The following ADCY1 variants were observed in gnomAD, a reference collection of about 807,000 sequenced individuals.
ADCY1 encodes the protein adenylate cyclase type 1.
ADCY1 carries 28 observed loss-of-function variants against 105.4 expected under a neutral mutation model. That is an observed-to-expected ratio of 0.27 (90% CI 0.20 to 0.36). The LOEUF is 0.36. ADCY1 is among the 10% of genes least tolerant of loss of function. The pLI, the probability that ADCY1 is intolerant of heterozygous loss-of-function variation, is 1.00. For missense variants in ADCY1, 977 were observed against 1,434.2 expected (o/e 0.68, Z 5.15); for synonymous variants, 655 against 623.8 (o/e 1.05, Z -0.75).
At chr7:45,625,652 T>G (rs1403033727) in intron 4 of ADCY1, among the ~76,000 whole-genome samples, 1 of 152,128 alleles carries the variant, frequency 6.6e-6, no homozygotes, top group African/African-American at 2.4e-5. Flanking sequence ...TGAGCATGCA[T>G]GTGGTATATA....
intron 14 of ADCY1, among the ~76,000 whole-genome samples, chr7:45,691,731 A>C (rs1033034221): frequency 6.6e-6 from 1 of 152,250 alleles, no homozygotes; most frequent in Non-Finnish European, 1.5e-5. Context: ...GCTTAATTCG[A>C]TGGTAATTCC....
intron 10 of ADCY1, 53 bp downstream of exon 10, chr7:45,678,316 G>A: frequency 1.3e-6 from 2 of 1,546,782 alleles, no homozygotes; most frequent in South Asian, 2.2e-5. Flanking sequence ...CCCGGTTTCT[G>A]GGGTTCGTGG....
intron 8 of ADCY1, among the ~76,000 whole-genome samples, chr7:45,663,397 G>A (rs1795182366): frequency 6.6e-6 from 1 of 152,200 alleles, no homozygotes; most frequent in African/African-American, 2.4e-5. Context: ...ACCTCAAACT[G>A]TCCTCTTCCT....
intron 3 of ADCY1, among the ~76,000 whole-genome samples, chr7:45,619,405 G>T (rs1793829359): frequency 6.6e-6 from 1 of 152,120 alleles, no homozygotes; most frequent in Non-Finnish European, 1.5e-5. Context: ...AATTGGAGGT[G>T]TTGGATATCC....
At chr7:45,690,720 C>T (rs1221252838) in intron 14 of ADCY1, among the ~76,000 whole-genome samples, 5 of 152,236 alleles carry the variant, frequency 3.3e-5, no homozygotes, top group Non-Finnish European at 7.3e-5. Flanking sequence ...TTTGCTAAAG[C>T]CACACCAGGT....
In ADCY1 at chr7:45,591,314, T is replaced by C. The variant is rs1792910408; in HGVS notation, c.640-1445T>C. Among the ~76,000 whole-genome samples, 1 of 152,232 alleles carries C rather than the reference T, an allele frequency of 6.6e-6. No homozygotes were observed. The highest frequency in any genetic ancestry group is 2.4e-5 in the African/African-American group (1 of 41,450). On this transcript the variant is annotated intron_variant, in intron 1 of 19. Transcript: ENST00000297323. This position sits in a 1 kb window ranked among gnomAD's most constrained non-coding sequence, Gnocchi z 4.1. ...GAGCCGTCTGGGGGCCCCATCCTGC[T>C]GCCTGTAGCTTGGCCCGATCAGGGT...
At chr7:45,648,361 G>A (rs895973125) in intron 4 of ADCY1, among the ~76,000 whole-genome samples, 3 of 152,240 alleles carry the variant, frequency 2.0e-5, no homozygotes, top group East Asian at 1.9e-4. Flanking sequence ...CATTCCAGCC[G>A]GACCTTGAAT....
intron 11 of ADCY1, among the ~76,000 whole-genome samples, chr7:45,682,469 G>A (rs1375916495): frequency 2.0e-5 from 3 of 152,108 alleles, no homozygotes; most frequent in Non-Finnish European, 2.9e-5. Flanking sequence ...GGACCCCGGG[G>A]TGCTGCAGGT....
At position 45,703,279 on chromosome 7, in the gene ADCY1, C is replaced by A; in HGVS notation, c.2455-97C>A. On this transcript the variant is annotated intron_variant, in intron 14 of 19. Transcript: ENST00000297323. This position sits in a 1 kb window ranked among gnomAD's most constrained non-coding sequence, Gnocchi z 5.9. Reference sequence around the variant, plus strand: ...GCGTGGATGTAGACCATCAGCACACCTGGAGTCCAGTTTGGATGATTAGAA... The same window carrying A: ...GCGTGGATGTAGACCATCAGCACACATGGAGTCCAGTTTGGATGATTAGAA... 1 of 1,156,974 alleles carries A rather than the reference C, an allele frequency of 8.6e-7. No homozygotes were observed. Among genetic ancestry groups the A allele is most frequent in the Non-Finnish European group, 1.3e-6 (1 of 771,320 alleles). The allele number at this position is 1,156,974 out of a possible 1,614,324, so 71.7% of individuals were successfully genotyped here. A position where few individuals can be genotyped will look rare whatever the true frequency, so the allele number is the denominator to read the frequency against.
Position 45,712,024 on chromosome 7 carries a change from T to A in ADCY1, c.3057+1372T>A, listed in dbSNP as rs1207578258. 2.1e-3 allele frequency among the ~76,000 whole-genome samples: 255 copies of A among 119,674 alleles called. 9 individuals carry two copies. Among genetic ancestry groups the A allele is most frequent in the Admixed American group, 0.021 (208 of 9,852 alleles). 78.5% of individuals were successfully genotyped at this position (119,674 alleles called of 152,430 possible). On this transcript the variant is annotated intron_variant, in intron 19 of 19. Coordinates refer to ENST00000297323, the MANE Select transcript of ADCY1 (RefSeq NM_021116.4). ...TTATATTAAATATATATTTTATATA[T>A]TATACTAAATATATATTTTATATAA...
At chr7:45,626,199 A>G (rs1794058039) in intron 4 of ADCY1, among the ~76,000 whole-genome samples, 1 of 152,362 alleles carries the variant, frequency 6.6e-6, no homozygotes, top group East Asian at 1.9e-4. Flanking sequence ...AAATACGTAA[A>G]CAAATGGGTG....
intron 4 of ADCY1, among the ~76,000 whole-genome samples, chr7:45,630,950 T>G (rs1794230815): frequency 6.6e-6 from 1 of 152,168 alleles, no homozygotes; most frequent in African/African-American, 2.4e-5. Flanking sequence ...CCATCCAAAA[T>G]CTCTCTGGAT....
At chr7:45,623,512 G>T (rs982280767) in intron 4 of ADCY1, among the ~76,000 whole-genome samples, 2 of 152,194 alleles carry the variant, frequency 1.3e-5, no homozygotes, top group African/African-American at 2.4e-5. Flanking sequence ...ATGTCGGGCT[G>T]GGATCTGAGC....
chr7:45,678,894 A>T (rs577483030), intron 10 of ADCY1, among the ~76,000 whole-genome samples: 15 of 151,598 alleles, frequency 9.9e-5, no homozygotes, highest in Non-Finnish European at 2.2e-4. Flanking sequence ...TCTAAAAATA[A>T]TAATAATAAT....
At chr7:45,599,392 C>G (rs1793161691) in intron 2 of ADCY1, among the ~76,000 whole-genome samples, 1 of 151,274 alleles carries the variant, frequency 6.6e-6, no homozygotes. Context: ...TCTCCAGGAG[C>G]ACTACATTGG....
rs1785492571 is a variant in ADCY1, at chr7:45,722,322, T to TAGTTTGA, written c.*8329_*8335dup. The TAGTTTGA allele has an allele frequency of 6.5e-6, 1 of 152,938 alleles. No homozygotes were observed. Among genetic ancestry groups the TAGTTTGA allele is most frequent in the Non-Finnish European group, 1.5e-5 (1 of 68,516 alleles). 9.5% of individuals were successfully genotyped at this position (152,938 alleles called of 1,614,324 possible). On this transcript the variant is annotated 3_prime_UTR_variant, in exon 20 of 20. Coordinates refer to ENST00000297323, the MANE Select transcript of ADCY1 (RefSeq NM_021116.4). Reference sequence around the variant, plus strand: ...TGAAAACTCCTAATGGTGTGGAACTTAGTTTGAATTTGAAATCACGCCGCA... The same window carrying TAGTTTGA: ...TGAAAACTCCTAATGGTGTGGAACTTAGTTTGAAGTTTGAATTTGAAATCACGCCGCA...
intron 16 of ADCY1, 105 bp from the exon 17 acceptor site, chr7:45,704,413 C>T: frequency 1.1e-6 from 1 of 910,502 alleles, no homozygotes; most frequent in Non-Finnish European, 1.7e-6. Context: ...ATGTTGCTTT[C>T]CTGAATGTGT....
chr7:45,649,994 G>T (rs998398918), intron 5 of ADCY1, among the ~76,000 whole-genome samples: 3 of 152,134 alleles, frequency 2.0e-5, no homozygotes, highest in African/African-American at 2.4e-5. Flanking sequence ...GGAGATGCTG[G>T]GCAGAAGCAG....
chr7:45,690,371 C>T (rs1784763344), intron 14 of ADCY1, among the ~76,000 whole-genome samples: 1 of 152,144 alleles, frequency 6.6e-6, no homozygotes, highest in Non-Finnish European at 1.5e-5. Flanking sequence ...TTGGGGCAGC[C>T]ACAGTGGGAA....
Sources: allele counts gnomAD v4.1 joint callset (sites outside exome capture counted in the v4.1 genomes callset), GRCh38; gene constraint gnomAD v4.1.1; non-coding constraint Gnocchi (gnomAD v3.1); transcripts MANE v1.5; gene names NCBI Gene and HGNC (gene_info 2026-07-23, HGNC 2026-07-21).